TEAD1: variants seen among roughly 807,000 people sequenced by gnomAD.
The protein encoded by TEAD1 is TEA domain transcription factor 1, also known as transcriptional enhancer factor TEF-1.
A neutral mutation model predicts 54.9 loss-of-function variants in TEAD1; 9 were observed. The ratio of observed to expected loss-of-function variants is 0.16; its 90% CI spans 0.10 to 0.29. The LOEUF is 0.29. TEAD1 is among the 10% of genes least tolerant of loss of function. The probability of loss-of-function intolerance (pLI) is 1.00; values close to 1 mark genes in which losing one functional copy is unlikely to be tolerated. For missense variants in TEAD1, 387 were observed against 535.9 expected (o/e 0.72, Z 2.74); for synonymous variants, 200 against 187.8 (o/e 1.07, Z -0.53).
At chr11:12,878,750 G>T in intron 5 of TEAD1, 1 of 393,512 alleles carries the variant, frequency 2.5e-6, no homozygotes, top group South Asian at 3.9e-5. Flanking sequence ...GCATTTTATT[G>T]TTCCCAAGTA....
At chr11:12,872,858 G>A (rs566592784) in intron 5 of TEAD1, among the ~76,000 whole-genome samples, 9 of 152,262 alleles carry the variant, frequency 5.9e-5, no homozygotes, top group South Asian at 4.1e-4. Context: ...CCTGGCCCCC[G>A]TAGACTGCAA....
intron 2 of TEAD1, among the ~76,000 whole-genome samples, chr11:12,677,216 AAATTT>A (rs541389714): frequency 4.2e-4 from 64 of 152,230 alleles, no homozygotes; most frequent in Non-Finnish European, 7.9e-4. Flanking sequence ...ATACTTAATT[AAATTT>A]AATTTAAAGG....
intron 10 of TEAD1, among the ~76,000 whole-genome samples, chr11:12,909,089 A>G (rs376219654): frequency 1.3e-5 from 2 of 152,030 alleles, no homozygotes; most frequent in Non-Finnish European, 2.9e-5. Flanking sequence ...ACAATCTTCT[A>G]TTGTCACTTG....
chr11:12,706,855 T>C (rs1943826967), intron 2 of TEAD1, among the ~76,000 whole-genome samples: 1 of 152,150 alleles, frequency 6.6e-6, no homozygotes, highest in African/African-American at 2.4e-5. Flanking sequence ...ATCTCCATAA[T>C]GGGCCTCTTC....
At chr11:12,675,138 C>T (rs996868206) in intron 1 of TEAD1, among the ~76,000 whole-genome samples, 2 of 149,194 alleles carry the variant, frequency 1.3e-5, no homozygotes, top group Non-Finnish European at 3.0e-5. Context: ...GCCCCCTCTC[C>T]CGCCGCCTGC....
chr11:12,863,406 G>A (rs1564968099), intron 4 of TEAD1, among the ~76,000 whole-genome samples: 2 of 152,164 alleles, frequency 1.3e-5, no homozygotes, highest in Admixed American at 1.3e-4. Context: ...CAAAATTCGG[G>A]TGAAAACAAG....
In TEAD1 at chr11:12,674,594, C is replaced by G. The variant is rs1003131819; in HGVS notation, c.-448C>G. The G allele has an allele frequency of 6.6e-6, 1 of 150,968 alleles. No homozygotes were observed. Among genetic ancestry groups the G allele is most frequent in the African/African-American group, 2.4e-5 (1 of 41,254 alleles). The allele number at this position is 150,968 out of a possible 1,614,324, so 9.4% of individuals were successfully genotyped here. ...CGGCGGGGCCCGGGCCCGGGGCGGC[C>G]GCGTCCAGGCACAGGCCATGCAGTG... is the stretch of plus-strand genomic sequence containing the variant. On this transcript the variant is annotated 5_prime_UTR_variant, in exon 1 of 13. Transcript: ENST00000527636.
Position 12,937,303 on chromosome 11 carries a change from C to T in TEAD1, c.*81C>T, listed in dbSNP as rs1331962525. The T allele has an allele frequency of 2.9e-5, 35 of 1,196,670 alleles. No homozygotes were observed. Among genetic ancestry groups the T allele is most frequent in the Middle Eastern group, 1.9e-4 (1 of 5,290 alleles). 74.1% of individuals were successfully genotyped at this position (1,196,670 alleles called of 1,614,324 possible). A position where few individuals can be genotyped will look rare whatever the true frequency, so the allele number is the denominator to read the frequency against. ...CACACACTCTCTCTCCATTATCGAA[C>T]GACTGACTGTAAACCTCACCACACA... On this transcript the variant is annotated 3_prime_UTR_variant, in exon 13 of 13. Coordinates refer to ENST00000527636, the MANE Select transcript of TEAD1 (RefSeq NM_021961.6).
chr11:12,716,018 C>T (rs762950301), intron 2 of TEAD1, among the ~76,000 whole-genome samples: 93 of 151,968 alleles, frequency 6.1e-4, no homozygotes, highest in South Asian at 1.9e-3. Flanking sequence ...TCCCCACCTT[C>T]CCCCCAAGAC....
intron 12 of TEAD1, among the ~76,000 whole-genome samples, chr11:12,934,410 G>C (rs1949064797): frequency 6.6e-6 from 1 of 152,112 alleles, no homozygotes; most frequent in South Asian, 2.1e-4. Context: ...AGAGGGGGAA[G>C]GGATAGCATT....
chr11:12,750,499 G>T lies in TEAD1; in HGVS notation c.-54-13680G>T, dbSNP rs1423178673. ...AAAATACTTTTGATTTAAAAGTTCA[G>T]ATTCCAGATATATAACATTCTCTGT... On this transcript the variant is annotated intron_variant, in intron 2 of 12. Coordinates refer to ENST00000527636, the MANE Select transcript of TEAD1 (RefSeq NM_021961.6). Among the ~76,000 whole-genome samples the T allele has an allele frequency of 3.9e-5, 6 of 152,292 alleles. No homozygotes were observed. The South Asian group carries it at 1.2e-3, about 32-fold the overall frequency.
chr11:12,814,434 C>A (rs527648652), intron 3 of TEAD1, among the ~76,000 whole-genome samples: 1 of 152,128 alleles, frequency 6.6e-6, no homozygotes, highest in African/African-American at 2.4e-5. Flanking sequence ...CCCCCTCAGG[C>A]CCCCGCTGGC....
At chr11:12,830,733 T>C (rs1390802095) in intron 3 of TEAD1, among the ~76,000 whole-genome samples, 2 of 152,072 alleles carry the variant, frequency 1.3e-5, no homozygotes, top group Non-Finnish European at 2.9e-5. Context: ...GTGTCAGTTA[T>C]ATTTGCAATC....
At chr11:12,825,573 A>C (rs1946635222) in intron 3 of TEAD1, among the ~76,000 whole-genome samples, 1 of 152,220 alleles carries the variant, frequency 6.6e-6, no homozygotes, top group South Asian at 2.1e-4. Context: ...AATATTGTTA[A>C]ATCTTCCTAA....
At chr11:12,921,954 A>T (rs1467812243) in intron 10 of TEAD1, among the ~76,000 whole-genome samples, 3 of 152,214 alleles carry the variant, frequency 2.0e-5, no homozygotes, top group East Asian at 1.9e-4. Flanking sequence ...TTTATGATTT[A>T]TACCCCATAA....
intron 2 of TEAD1, among the ~76,000 whole-genome samples, chr11:12,744,673 T>C (rs1263314423): frequency 6.6e-6 from 1 of 152,200 alleles, no homozygotes; most frequent in Non-Finnish European, 1.5e-5. Context: ...TAACTAGAGG[T>C]GTTCCAGAAA....
chr11:12,880,576 C>T (rs961463061), intron 6 of TEAD1, among the ~76,000 whole-genome samples: 1 of 152,222 alleles, frequency 6.6e-6, no homozygotes, highest in African/African-American at 2.4e-5. Context: ...CCGCTTGGAG[C>T]TCCTGGCCTT....
At chr11:12,936,025 G>C (rs533478551) in intron 12 of TEAD1, among the ~76,000 whole-genome samples, 1 of 152,314 alleles carries the variant, frequency 6.6e-6, no homozygotes, top group Admixed American at 6.5e-5. Context: ...CTGATACTTA[G>C]AGGGAAATTA....
intron 10 of TEAD1, among the ~76,000 whole-genome samples, chr11:12,904,552 G>T (rs1369270652): frequency 6.6e-6 from 1 of 152,116 alleles, no homozygotes; most frequent in Non-Finnish European, 1.5e-5. Flanking sequence ...GTTGACTTTT[G>T]ATATAGTATC....
Sources: allele counts gnomAD v4.1 joint callset (sites outside exome capture counted in the v4.1 genomes callset), GRCh38; gene constraint gnomAD v4.1.1; transcripts MANE v1.5; gene names NCBI Gene and HGNC (gene_info 2026-07-23, HGNC 2026-07-21).